The following TENM3 variants were observed in gnomAD, a reference collection of about 807,000 sequenced individuals.
The protein encoded by TENM3 is teneurin-3.
A neutral mutation model predicts 255.1 loss-of-function variants in TENM3; 63 were observed. That is an observed-to-expected ratio of 0.25 (90% CI 0.20 to 0.30). The LOEUF (loss-of-function observed/expected upper bound fraction) is 0.30. Ranked by LOEUF, TENM3 falls within the 10% of genes least tolerant of loss-of-function variation. The pLI is 1.00. For missense variants in TENM3, 2,929 were observed against 3,461.1 expected, an observed-to-expected ratio of 0.85 and a Z score of 3.86; for synonymous variants, 1,306 against 1,322.3, an observed-to-expected ratio of 0.99 and a Z score of 0.27.
chr4:182,293,665 C>T (rs922569345), intron 1 of TENM3, among the ~76,000 whole-genome samples: 1 of 152,128 alleles, frequency 6.6e-6, no homozygotes, highest in Non-Finnish European at 1.5e-5. Context: ...AAAGCATAGA[C>T]AACGTTTGCC....
the TENM3 span, among the ~76,000 whole-genome samples, chr4:181,892,603 T>C: frequency 1.3e-5 from 2 of 152,212 alleles, no homozygotes; most frequent in South Asian, 4.1e-4. Flanking sequence ...GAATTGTTTC[T>C]TGCCTCTTAG....
the TENM3 span, among the ~76,000 whole-genome samples, chr4:181,986,317 C>T: frequency 6.6e-6 from 1 of 152,004 alleles, no homozygotes; most frequent in Non-Finnish European, 1.5e-5. Flanking sequence ...GTCACCTTTT[C>T]TGTGTGTGTT....
the TENM3 span, among the ~76,000 whole-genome samples, chr4:182,082,737 T>C: frequency 3.3e-5 from 5 of 152,182 alleles, no homozygotes; most frequent in Non-Finnish European, 7.3e-5. Context: ...TGATGCCACG[T>C]GTGTTTTCAA....
chr4:182,288,880 G>A (rs1048727878), intron 1 of TENM3, among the ~76,000 whole-genome samples: 2 of 152,164 alleles, frequency 1.3e-5, no homozygotes, highest in Admixed American at 6.5e-5. Flanking sequence ...AATAAATAAA[G>A]GTCGGGGGCT....
intron 1 of TENM3, among the ~76,000 whole-genome samples, chr4:182,273,142 A>G (rs1301990230): frequency 1.3e-5 from 2 of 152,258 alleles, no homozygotes; most frequent in Non-Finnish European, 2.9e-5. Context: ...AGACATAATC[A>G]TAACAAAATA....
At chr4:181,516,890 T>C in the TENM3 span, among the ~76,000 whole-genome samples, 1 of 152,196 alleles carries the variant, frequency 6.6e-6, no homozygotes, top group East Asian at 1.9e-4. Flanking sequence ...ATTACTATTA[T>C]TTCCCTTTTA....
the TENM3 span, among the ~76,000 whole-genome samples, chr4:181,497,334 T>C: frequency 6.6e-6 from 1 of 152,162 alleles, no homozygotes. Context: ...TTATGAGCTT[T>C]GAAAGACTGT....
At chr4:182,202,299 C>CTTTTTTTTT (rs773698031) in intron 1 of TENM3, among the ~76,000 whole-genome samples, 2 of 100,608 alleles carry the variant, frequency 2.0e-5, no homozygotes, top group Non-Finnish European at 3.9e-5. Context: ...GTGCACTGCA[C>CTTTTTTTTT]TTTTTTTTTT....
At chr4:182,001,020 T>TTTTA in the TENM3 span, among the ~76,000 whole-genome samples, 1 of 148,756 alleles carries the variant, frequency 6.7e-6, no homozygotes, top group African/African-American at 2.5e-5. Flanking sequence ...TTTTTTTTTT[T>TTTTA]AATAATTCAC....
the TENM3 span, among the ~76,000 whole-genome samples, chr4:181,915,596 A>C: frequency 2.0e-5 from 3 of 149,122 alleles, no homozygotes; most frequent in Non-Finnish European, 4.5e-5. Flanking sequence ...TAAACGAAGA[A>C]GGCAGGATAG....
intron 2 of TENM3, among the ~76,000 whole-genome samples, chr4:182,327,616 G>A (rs896859780): frequency 2.0e-5 from 3 of 152,114 alleles, no homozygotes; most frequent in Non-Finnish European, 2.9e-5. Flanking sequence ...CTTCTTCACA[G>A]TCATTGTGTA....
At chr4:182,359,311 C>A (rs1001000699) in intron 3 of TENM3, among the ~76,000 whole-genome samples, 4 of 152,082 alleles carry the variant, frequency 2.6e-5, no homozygotes, top group East Asian at 1.9e-4. Context: ...TTCCTCCTTG[C>A]ACCTCTGGGA....
Position 182,624,934 on chromosome 4 carries a change from A to G in TENM3, c.750-3717A>G, listed in dbSNP as rs146885142. On this transcript the variant is annotated intron_variant, in intron 4 of 27. Transcript: ENST00000511685. ...GAAAATGATAATACGTGGTAATACT[A>G]TGGAGAGTAGAGGGAACAGGGCTTT... 9.8e-5 allele frequency among the ~76,000 whole-genome samples: 15 copies of G among 152,316 alleles called. No homozygotes were observed. In the East Asian group the frequency reaches 2.3e-3, roughly 24 times the overall value.
In TENM3 at chr4:182,660,297, A is replaced by T. The variant is rs542175582; in HGVS notation, c.1111+6404A>T. The stretch of plus-strand genomic sequence containing the variant: ...TGAGTGAAAATAATACAACTAAATG[A>T]TATGATATAAAGTATACGAAGGGCC... On this transcript the variant is annotated intron_variant, in intron 6 of 27. Coordinates refer to ENST00000511685, the MANE Select transcript of TENM3 (RefSeq NM_001080477.4). 3.3e-5 allele frequency among the ~76,000 whole-genome samples: 5 copies of T among 152,334 alleles called. No individual in the cohort carries two copies. In the East Asian group the frequency reaches 9.7e-4, roughly 29 times the overall value.
intron 1 of TENM3, among the ~76,000 whole-genome samples, chr4:182,191,083 A>C (rs1351986767): frequency 6.6e-6 from 1 of 152,160 alleles, no homozygotes; most frequent in Non-Finnish European, 1.5e-5. Flanking sequence ...GTATGCTTTG[A>C]AATTATTTTA....
chr4:181,575,334 C>T, the TENM3 span, among the ~76,000 whole-genome samples: 1 of 151,844 alleles, frequency 6.6e-6, no homozygotes, highest in African/African-American at 2.4e-5. Flanking sequence ...TTAATTATTC[C>T]ATGGTATACC....
At chr4:181,775,061 C>A in the TENM3 span, among the ~76,000 whole-genome samples, 1 of 152,160 alleles carries the variant, frequency 6.6e-6, no homozygotes, top group Non-Finnish European at 1.5e-5. Context: ...AGTCCTTCAG[C>A]TGAGTCATAA....
chr4:181,773,404 C>A, the TENM3 span, among the ~76,000 whole-genome samples: 1,124 of 152,310 alleles, frequency 7.4e-3, 11 homozygotes, highest in African/African-American at 0.026. Flanking sequence ...TCAGGGAGTT[C>A]AGCTACCATT....
the TENM3 span, among the ~76,000 whole-genome samples, chr4:181,605,490 GAAAGAAAGAAAGAA>G: frequency 1.8e-3 from 13 of 7,342 alleles, 1 homozygote; most frequent in East Asian, 9.8e-3. Context: ...GAGAAAGAAA[GAAAGAAAGAAAGAA>G]AGAAAGAAAG....
Sources: gnomAD v4.1 joint callset for allele counts (sites outside exome capture counted in the v4.1 genomes callset) on GRCh38, gnomAD v4.1.1 for gene constraint, MANE v1.5 for transcripts, NCBI Gene and HGNC (gene_info 2026-07-23, HGNC 2026-07-21) for gene names.